The following TMEM45A variants were observed in gnomAD, a reference collection of about 807,000 sequenced individuals.
The protein encoded by TMEM45A is transmembrane protein 45A, also known as DNA polymerase-transactivated protein 4.
In TMEM45A, 25 loss-of-function variants were observed where a neutral mutation model predicts 32.0. The ratio of observed to expected loss-of-function variants is 0.78; its 90% CI spans 0.57 to 1.09. The LOEUF is 1.09. TMEM45A is among the 50% of genes least tolerant of loss of function. TMEM45A has a pLI of 0.00. For missense variants in TMEM45A, 302 were observed against 325.0 expected (o/e 0.93, Z 0.54); for synonymous variants, 122 against 114.8 (o/e 1.06, Z -0.40).
chr3:100,565,774 G>A (rs988963381), intron 4 of TMEM45A, among the ~76,000 whole-genome samples: 1 of 152,008 alleles, frequency 6.6e-6, no homozygotes, highest in African/African-American at 2.4e-5. Context: ...TGTTTATTGG[G>A]ATAAAACTTT....
intron 1 of TMEM45A, among the ~76,000 whole-genome samples, chr3:100,551,240 C>T (rs925478362): frequency 2.0e-5 from 3 of 152,092 alleles, no homozygotes; most frequent in South Asian, 4.1e-4. Context: ...GTCTCGATCT[C>T]CTGACCTCGT....
chr3:100,558,280 G>T, intron 3 of TMEM45A, 125 bp from the exon 4 acceptor site: 1 of 1,097,142 alleles, frequency 9.1e-7, no homozygotes, highest in Non-Finnish European at 1.3e-6. Context: ...GGGAATCAGT[G>T]GGCGCCTGCT....
chr3:100,569,316 T>C (rs9809934), intron 5 of TMEM45A, among the ~76,000 whole-genome samples: 31,699 of 152,134 alleles, frequency 0.21, 4,205 homozygotes, highest in African/African-American at 0.35. Flanking sequence ...CATTTACCCA[T>C]GTGTAGATAC....
intron 1 of TMEM45A, among the ~76,000 whole-genome samples, chr3:100,539,670 C>A (rs190106455): frequency 1.5e-3 from 230 of 152,118 alleles, no homozygotes; most frequent in Non-Finnish European, 9.1e-4. Flanking sequence ...AAGACGGATG[C>A]CTCAGCTCAA....
intron 1 of TMEM45A, among the ~76,000 whole-genome samples, chr3:100,549,199 A>C (rs973461949): frequency 6.6e-6 from 1 of 151,808 alleles, no homozygotes; most frequent in Admixed American, 6.6e-5. Context: ...GTGAGCTGAG[A>C]TTGCCCCACT....
chr3:100,524,480 C>A (rs1705501739), intron 1 of TMEM45A, among the ~76,000 whole-genome samples: 1 of 152,030 alleles, frequency 6.6e-6, no homozygotes, highest in South Asian at 2.1e-4. Flanking sequence ...CATACATCAG[C>A]TCTTTATTAG....
intron 1 of TMEM45A, among the ~76,000 whole-genome samples, chr3:100,554,573 GC>G (rs1212121564): frequency 6.6e-6 from 1 of 152,202 alleles, no homozygotes; most frequent in African/African-American, 2.4e-5. Context: ...GGAGGGAGAG[GC>G]TGGGAAAGAG....
At chr3:100,515,649 A>G (rs1380939379) in intron 1 of TMEM45A, among the ~76,000 whole-genome samples, 2 of 151,852 alleles carry the variant, frequency 1.3e-5, no homozygotes, top group African/African-American at 2.4e-5. Context: ...AAAAAAGAAA[A>G]GAACTATTGA....
At chr3:100,530,537 G>T (rs1705626230) in intron 1 of TMEM45A, among the ~76,000 whole-genome samples, 1 of 152,070 alleles carries the variant, frequency 6.6e-6, no homozygotes, top group African/African-American at 2.4e-5. Context: ...CATCTAGACT[G>T]GTCTTTGACC....
Position 100,492,758 on chromosome 3 carries a change from T to TCCCCC in TMEM45A, c.-172_-168dup, listed in dbSNP as rs151104025. 4 of 146,158 alleles carry TCCCCC rather than the reference T, an allele frequency of 2.7e-5. No individual in the cohort carries two copies. The highest frequency in any genetic ancestry group is 5.2e-5 in the African/African-American group (2 of 38,520). The allele number at this position is 146,158 out of a possible 1,614,324, so 9.1% of individuals were successfully genotyped here. On this transcript the variant is annotated 5_prime_UTR_variant, in exon 1 of 6. Coordinates refer to ENST00000323523, the MANE Select transcript of TMEM45A (RefSeq NM_018004.3). ...CTAGGGACCCAAGTTTAAAAATTCC[T>TCCCCC]CCCCCCACCCAATGCGAGACGTGGC...
chr3:100,510,098 G>A (rs1448767284), intron 1 of TMEM45A, among the ~76,000 whole-genome samples: 1 of 152,238 alleles, frequency 6.6e-6, no homozygotes, highest in Non-Finnish European at 1.5e-5. Flanking sequence ...TGAGAAGCTC[G>A]AACTGGGTGG....
At chr3:100,567,486 A>G (rs1400714360) in intron 4 of TMEM45A, among the ~76,000 whole-genome samples, 2 of 139,172 alleles carry the variant, frequency 1.4e-5, no homozygotes, top group South Asian at 4.5e-4. Context: ...GCAATTCCAT[A>G]TGAGTTACAG....
intron 4 of TMEM45A, among the ~76,000 whole-genome samples, chr3:100,559,557 C>CTCTA (rs1706288602): frequency 6.6e-6 from 1 of 152,006 alleles, no homozygotes; most frequent in African/African-American, 2.4e-5. Flanking sequence ...TAGAAAAAAG[C>CTCTA]TAACAAATAC....
At chr3:100,498,494 T>C (rs1707963691) in intron 1 of TMEM45A, among the ~76,000 whole-genome samples, 1 of 152,184 alleles carries the variant, frequency 6.6e-6, no homozygotes, top group African/African-American at 2.4e-5. Context: ...TTCAGCCTGC[T>C]AGCCTACCCT....
At chr3:100,499,390 T>A (rs974073486) in intron 1 of TMEM45A, among the ~76,000 whole-genome samples, 3 of 152,236 alleles carry the variant, frequency 2.0e-5, no homozygotes, top group South Asian at 2.1e-4. Context: ...GTAATAGGTG[T>A]TCACCTTCAT....
intron 1 of TMEM45A, among the ~76,000 whole-genome samples, chr3:100,504,643 T>C (rs1292676357): frequency 6.6e-6 from 1 of 152,246 alleles, no homozygotes; most frequent in Non-Finnish European, 1.5e-5. Flanking sequence ...GCCCGCTGGA[T>C]ATCTCCAATG....
intron 1 of TMEM45A, among the ~76,000 whole-genome samples, chr3:100,549,264 CA>C (rs371298013): frequency 6.6e-6 from 1 of 150,996 alleles, no homozygotes; most frequent in African/African-American, 2.4e-5. Flanking sequence ...AACAAAAAAA[CA>C]AAAAAACAAA....
chr3:100,575,363 C>CTTT lies in TMEM45A; in HGVS notation c.735-1537_735-1535dup, dbSNP rs59739893. ...TGCTTCCCCCAGGCCTATGGATTCT[C>CTTT]TTTTTTTTTTTTTTTTTTTTTTTTT... On this transcript the variant is annotated intron_variant, in intron 5 of 5. Coordinates refer to ENST00000323523, the MANE Select transcript of TMEM45A (RefSeq NM_018004.3). Among the ~76,000 whole-genome samples, 227 of 62,772 alleles carry CTTT rather than the reference C, an allele frequency of 3.6e-3. 9 individuals carry two copies. Among genetic ancestry groups the CTTT allele is most frequent in the African/African-American group, 5.6e-3 (105 of 18,634 alleles). 41.2% of individuals were successfully genotyped at this position (62,772 alleles called of 152,430 possible). A position where few individuals can be genotyped will look rare whatever the true frequency, so the allele number is the denominator to read the frequency against.
At chr3:100,542,217 G>A (rs1418333381) in intron 1 of TMEM45A, among the ~76,000 whole-genome samples, 2 of 152,282 alleles carry the variant, frequency 1.3e-5, no homozygotes, top group Non-Finnish European at 1.5e-5. Context: ...GATAGGAATA[G>A]CATTGAATCT....
Sources: gnomAD v4.1 joint callset for allele counts (sites outside exome capture counted in the v4.1 genomes callset) on GRCh38, gnomAD v4.1.1 for gene constraint, MANE v1.5 for transcripts, NCBI Gene and HGNC (gene_info 2026-07-23, HGNC 2026-07-21) for gene names.